SVEP1: variants seen among roughly 807,000 people sequenced by gnomAD.
SVEP1 encodes the protein sushi, von Willebrand factor type A, EGF and pentraxin domain-containing protein 1.
Under a neutral mutation model 367.3 loss-of-function variants are expected in SVEP1, and 164 were observed. That is an observed-to-expected ratio of 0.45 (90% confidence interval 0.39 to 0.51). The LOEUF is 0.51. Ranked by LOEUF, SVEP1 falls within the 20% of genes least tolerant of loss-of-function variation. The probability of loss-of-function intolerance (pLI) is 0.00; values close to 1 mark genes in which losing one functional copy is unlikely to be tolerated. For synonymous variants in SVEP1, 1,666 were observed against 1,611.6 expected, an observed-to-expected ratio of 1.03 and a Z score of -0.81; for missense variants, 4,117 against 4,425.3, an observed-to-expected ratio of 0.93 and a Z score of 1.98.
At chr9:110,374,061 T>A (rs1167978805) in intron 46 of SVEP1, among the ~76,000 whole-genome samples, 1 of 152,164 alleles carries the variant, frequency 6.6e-6, no homozygotes, top group Non-Finnish European at 1.5e-5. Flanking sequence ...GGTACACTTG[T>A]GTCATGGGAG....
chr9:110,437,658 A>C (rs1195727173), intron 27 of SVEP1, among the ~76,000 whole-genome samples: 1 of 151,574 alleles, frequency 6.6e-6, no homozygotes, highest in Non-Finnish European at 1.5e-5. Flanking sequence ...TTATTTCAAT[A>C]GTTTTTGGGG....
intron 9 of SVEP1, among the ~76,000 whole-genome samples, chr9:110,489,083 GCT>G (rs1277919513): frequency 6.6e-6 from 1 of 152,060 alleles, no homozygotes; most frequent in Non-Finnish European, 1.5e-5. Flanking sequence ...TTTCATGTGG[GCT>G]CATATGGGAA....
chr9:110,569,293 C>T (rs1189251647), intron 1 of SVEP1, among the ~76,000 whole-genome samples: 1 of 151,744 alleles, frequency 6.6e-6, no homozygotes, highest in East Asian at 1.9e-4. Flanking sequence ...CCCGTCTCTA[C>T]TAAAAATACA....
At chr9:110,568,064 T>C (rs1425765521) in intron 1 of SVEP1, among the ~76,000 whole-genome samples, 2 of 152,212 alleles carry the variant, frequency 1.3e-5, no homozygotes, top group Non-Finnish European at 2.9e-5. Context: ...GAACAACAAC[T>C]GTTTTATGGT....
At chr9:110,414,774 A>G (rs1828092926) in intron 36 of SVEP1, among the ~76,000 whole-genome samples, 1 of 151,892 alleles carries the variant, frequency 6.6e-6, no homozygotes. Context: ...AAAGCCTTAA[A>G]AGAGCAGCCT....
At chr9:110,574,743 C>CTTTTTTTTTTTT (rs1163833465) in intron 1 of SVEP1, among the ~76,000 whole-genome samples, 1 of 84,788 alleles carries the variant, frequency 1.2e-5, no homozygotes. Flanking sequence ...AGTCGACCTT[C>CTTTTTTTTTTTT]TTTTTTTTTT....
At chr9:110,480,486 G>A (rs551590774) in intron 12 of SVEP1, among the ~76,000 whole-genome samples, 21 of 152,108 alleles carry the variant, frequency 1.4e-4, no homozygotes, top group African/African-American at 2.4e-4. Context: ...AATACATTAG[G>A]TTATTTTTAT....
intron 7 of SVEP1, among the ~76,000 whole-genome samples, chr9:110,498,271 A>G (rs1183614767): frequency 6.6e-6 from 1 of 152,212 alleles, no homozygotes; most frequent in African/African-American, 2.4e-5. Flanking sequence ...TTTGTGGTCT[A>G]AAGGATTAAG....
rs1347474842 is a variant in SVEP1 at position 110,411,485 on chromosome 9, G to A, written c.6226C>T (p.Pro2076Ser). Reference sequence around the variant, plus strand: ...TCACAGAAATGAGCTATACAACGGGGCATGTCTTGACCTTCTGGGGGTACC... The same window carrying A: ...TCACAGAAATGAGCTATACAACGGGACATGTCTTGACCTTCTGGGGGTACC... ...KWVPPEGQDM[P>S]RCIAHFCEKP... The change falls in exon 37 of 48, where the codon CCC becomes TCC. Residue 2076 changes from proline (P) to serine (S), a missense_variant. This residue lies in a region of SVEP1 where 2,174 missense variants were observed against 2,494.3 expected (regional missense o/e 0.87). Coordinates refer to ENST00000374469, the MANE Select transcript of SVEP1 (RefSeq NM_153366.4). The A allele has an allele frequency of 6.2e-7, 1 of 1,614,016 alleles. No homozygotes were observed. Among genetic ancestry groups the A allele is most frequent in the Non-Finnish European group, 8.5e-7 (1 of 1,179,904 alleles).
chr9:110,573,265 T>A (rs945670118), intron 1 of SVEP1, among the ~76,000 whole-genome samples: 1 of 152,076 alleles, frequency 6.6e-6, no homozygotes, highest in Non-Finnish European at 1.5e-5. Flanking sequence ...CAAAGGCTAT[T>A]ATCAGCCTTT....
rs183259018 is a variant in SVEP1 at position 110,368,476 on chromosome 9, G to A, written c.10694+1447C>T. On this transcript the variant is annotated intron_variant, in intron 47 of 47. Coordinates refer to ENST00000374469, the MANE Select transcript of SVEP1 (RefSeq NM_153366.4). The stretch of plus-strand genomic sequence containing the variant: ...ATCAAACTTTTGCGTAAAAAATCTA[G>A]ATCTTGTTTTCCTGATTAATGTACA... Among the ~76,000 whole-genome samples, 272 of 152,160 alleles carry A rather than the reference G, an allele frequency of 1.8e-3. 2 individuals are homozygous for A. The highest frequency in any genetic ancestry group is 6.4e-3 in the African/African-American group (267 of 41,504).
In SVEP1 at chr9:110,479,723, A is replaced by G; in HGVS notation, c.2399T>C (p.Phe800Ser). ...KRFANHGFKS[F>S]EMFYKAARCD... ...ACGAGCTGCTTTGTAGAACATCTCAAAGGACTTGAACCCGTGGTTTGCAAA... is the reference window on the plus strand; with the variant it reads ...ACGAGCTGCTTTGTAGAACATCTCAGAGGACTTGAACCCGTGGTTTGCAAA... The change falls in exon 13 of 48, where the codon TTT (phenylalanine) becomes TCT (serine). Residue 800 changes from phenylalanine to serine, a missense_variant. Around this residue, in one of 4 missense-constraint regions of SVEP1, gnomAD observed 2,174 missense variants for 2,494.3 expected, o/e 0.87. Coordinates refer to ENST00000374469, the MANE Select transcript of SVEP1 (RefSeq NM_153366.4). The G allele has an allele frequency of 6.2e-7, 1 of 1,609,858 alleles. No homozygotes were observed. The highest frequency in any genetic ancestry group is 2.2e-5 in the East Asian group (1 of 44,678).
chr9:110,505,032 G>T (rs1366055892), intron 5 of SVEP1, among the ~76,000 whole-genome samples: 2 of 152,158 alleles, frequency 1.3e-5, no homozygotes, highest in Non-Finnish European at 1.5e-5. Flanking sequence ...CTAAACTGCG[G>T]ATGCTGAAAA....
chr9:110,546,441 A>T, intron 2 of SVEP1, 150 bp from the exon 3 acceptor site: 1 of 900,790 alleles, frequency 1.1e-6, no homozygotes, highest in Non-Finnish European at 1.6e-6. Flanking sequence ...CCAAATACGA[A>T]TGTGTGTTAT....
chr9:110,462,814 G>A (rs1243793917), intron 18 of SVEP1, among the ~76,000 whole-genome samples: 5 of 151,824 alleles, frequency 3.3e-5, no homozygotes, highest in African/African-American at 1.2e-4. Flanking sequence ...GGAAAAAAAT[G>A]TCATATCACT....
At chr9:110,491,311 C>T (rs187971953) in intron 8 of SVEP1, among the ~76,000 whole-genome samples, 1 of 151,722 alleles carries the variant, frequency 6.6e-6, no homozygotes, top group Admixed American at 6.6e-5. Context: ...TTTTGAAATA[C>T]ATTTATTCTA....
chr9:110,453,485 G>A (rs1828728338), intron 22 of SVEP1, among the ~76,000 whole-genome samples: 1 of 152,130 alleles, frequency 6.6e-6, no homozygotes, highest in Admixed American at 6.5e-5. Flanking sequence ...CAGAGTGGCT[G>A]AACTAATTTA....
chr9:110,381,387 A>G (rs1249577991), intron 43 of SVEP1, among the ~76,000 whole-genome samples: 1 of 151,990 alleles, frequency 6.6e-6, no homozygotes, highest in South Asian at 2.1e-4. Flanking sequence ...TGTGTCCCAG[A>G]GATTCTGGTA....
chr9:110,564,826 CA>C (rs1363196096), intron 1 of SVEP1, among the ~76,000 whole-genome samples: 1 of 128,324 alleles, frequency 7.8e-6, no homozygotes, highest in Admixed American at 7.3e-5. Context: ...AATTATCAAT[CA>C]ATGACAGTAG....
Sources: allele counts gnomAD v4.1 joint callset (sites outside exome capture counted in the v4.1 genomes callset), GRCh38; gene constraint gnomAD v4.1.1; regional missense constraint gnomAD v4.1.1; transcripts MANE v1.5; gene names NCBI Gene and HGNC (gene_info 2026-07-23, HGNC 2026-07-21).